The following SIPA1L3 variants were observed in gnomAD, a reference collection of about 807,000 sequenced individuals.
The protein encoded by SIPA1L3 is signal-induced proliferation-associated 1-like protein 3.
In SIPA1L3, 59 loss-of-function variants were observed where a neutral mutation model predicts 150.1. That is an observed-to-expected ratio of 0.39 (90% CI 0.32 to 0.49). The LOEUF is 0.49. Among genes scored for constraint, SIPA1L3 ranks in the 20% least tolerant of loss-of-function variants. The pLI is 0.86. For missense variants in SIPA1L3, 2,211 were observed against 2,489.5 expected (o/e 0.89, Z 2.38); for synonymous variants, 1,070 against 1,077.6 (o/e 0.99, Z 0.14).
chr19:38,172,832 G>C (rs1248555207), intron 15 of SIPA1L3, among the ~76,000 whole-genome samples: 2 of 152,140 alleles, frequency 1.3e-5, no homozygotes, highest in Non-Finnish European at 2.9e-5. Flanking sequence ...ACTGTGGGCT[G>C]GACGTAGTGG....
intron 9 of SIPA1L3, 34 bp from the exon 10 acceptor site, chr19:38,130,464 G>A (rs1289587205): frequency 6.3e-7 from 1 of 1,586,970 alleles, no homozygotes; most frequent in Non-Finnish European, 8.6e-7. Context: ...GACCCAAGCA[G>A]CTTCTGAGGC....
intron 1 of SIPA1L3, among the ~76,000 whole-genome samples, chr19:37,978,399 C>T (rs1011991097): frequency 6.6e-6 from 1 of 152,176 alleles, no homozygotes; most frequent in Non-Finnish European, 1.5e-5. Flanking sequence ...ATAATAGCCA[C>T]CACTTTCCAG....
At chr19:38,189,270 G>A (rs1295215065) in intron 16 of SIPA1L3, among the ~76,000 whole-genome samples, 1 of 151,710 alleles carries the variant, frequency 6.6e-6, no homozygotes, top group African/African-American at 2.4e-5. Context: ...GCCCATAGGA[G>A]TACACAACCA....
chr19:37,975,826 C>T (rs932302504), intron 1 of SIPA1L3, among the ~76,000 whole-genome samples: 3 of 152,026 alleles, frequency 2.0e-5, no homozygotes, highest in Admixed American at 6.6e-5. Context: ...GGGGGTTGGC[C>T]GGGCGCAGTG....
At chr19:38,069,286 C>T (rs1008100864) in intron 2 of SIPA1L3, among the ~76,000 whole-genome samples, 1 of 152,146 alleles carries the variant, frequency 6.6e-6, no homozygotes, top group African/African-American at 2.4e-5. Flanking sequence ...ATCAGTGAAC[C>T]CCTGAAATAA....
At chr19:38,000,905 T>TAAC (rs1967775363) in intron 1 of SIPA1L3, among the ~76,000 whole-genome samples, 1 of 111,710 alleles carries the variant, frequency 9.0e-6, no homozygotes, top group African/African-American at 3.8e-5. Context: ...TATATATATA[T>TAAC]ATATAACATA....
In SIPA1L3 at chr19:38,101,103, T is replaced by C; in HGVS notation, c.1906T>C (p.Ser636Pro). 6.2e-7 allele frequency: 1 copy of C among 1,605,402 alleles called. No homozygotes were observed. The highest frequency in any genetic ancestry group is 8.5e-7 in the Non-Finnish European group (1 of 1,175,956). Residue 636 changes from serine to proline, a missense_variant, in exon 6 of 22, where the codon TCC becomes CCC. This residue lies in a region of SIPA1L3 where 625 missense variants were observed against 804.2 expected (regional missense o/e 0.78). Coordinates refer to ENST00000222345, the MANE Select transcript of SIPA1L3 (RefSeq NM_015073.3). ...CCTCTATTGCAAGGCCGGCCAGAGC[T>C]CCGAGGAGGAGATGTACAACAATGA... ...GILYCKAGQSSEEEMYNNEEA... is the reference protein window; with the variant it reads ...GILYCKAGQSPEEEMYNNEEA...
rs1018400438 is a variant in SIPA1L3 at position 38,152,757 on chromosome 19, G to A, written c.3534-83G>A. 1.8e-5 allele frequency: 26 copies of A among 1,475,236 alleles called. No individual in the cohort carries two copies. In the African/African-American group the frequency reaches 2.1e-4, roughly 12 times the overall value. 91.4% of individuals were successfully genotyped at this position (1,475,236 alleles called of 1,614,324 possible). A position where few individuals can be genotyped will look rare whatever the true frequency, so the allele number is the denominator to read the frequency against. On this transcript the variant is annotated intron_variant, in intron 12 of 21. Transcript: ENST00000222345. ...TCCCGTGTGTCTAAAACCCACTGGC[G>A]AGCAAGGCTCAGGCTCAGGCTCAGG...
At position 38,142,691 on chromosome 19, in the gene SIPA1L3, T is replaced by C. The variant is rs564769549; in HGVS notation, c.3514T>C (p.Tyr1172His). ...STPGSATYVR[Y>H]KPSPERYTAA... Reference sequence around the variant, plus strand: ...CCCCGGTTCGGCCACCTACGTGAGATACAAGCCATCCCCAGAAAGGTCAGC... The same window carrying C: ...CCCCGGTTCGGCCACCTACGTGAGACACAAGCCATCCCCAGAAAGGTCAGC... The change falls in exon 12 of 22, where the codon TAC becomes CAC. Residue 1172 changes from tyrosine to histidine, a missense_variant. Around this residue, in one of 5 missense-constraint regions of SIPA1L3, gnomAD observed 806 missense variants for 870.1 expected, o/e 0.93. Transcript: ENST00000222345. 10 of 1,613,794 alleles carry C rather than the reference T, an allele frequency of 6.2e-6. No homozygotes were observed. In the Admixed American group the frequency reaches 6.7e-5, roughly 11 times the overall value.
At chr19:37,930,145 C>G (rs2046540721) in intron 1 of SIPA1L3, among the ~76,000 whole-genome samples, 1 of 151,998 alleles carries the variant, frequency 6.6e-6, no homozygotes, top group African/African-American at 2.4e-5. Context: ...CTGCCTCAGC[C>G]TCCCGAGTAG....
chr19:38,124,620 A>T (rs1186779109), intron 9 of SIPA1L3, among the ~76,000 whole-genome samples: 1 of 152,154 alleles, frequency 6.6e-6, no homozygotes, highest in East Asian at 1.9e-4. Flanking sequence ...CAGAGGCTGC[A>T]CTCTTGGCAC....
Position 37,973,671 on chromosome 19 carries a change from C to A in SIPA1L3, c.-378-55418C>A, listed in dbSNP as rs191967859. Among the ~76,000 whole-genome samples the A allele has an allele frequency of 7.2e-5, 11 of 152,130 alleles. No individual in the cohort carries two copies. In the East Asian group the frequency reaches 2.1e-3, roughly 29 times the overall value. On this transcript the variant is annotated intron_variant, in intron 1 of 21. Transcript: ENST00000222345. ...AGTAGCGTATGCCTGTCCCCCATCC[C>A]ACACTCACACCAGAGCAAATGCTTA...
Position 38,142,633 on chromosome 19 carries a change from T to A in SIPA1L3, c.3456T>A (p.Pro1152=). Residue 1152 remains proline, a synonymous_variant, in exon 12 of 22, where the codon CCT becomes CCA. Coordinates refer to ENST00000222345, the MANE Select transcript of SIPA1L3 (RefSeq NM_015073.3). ...TVSPAGADRV[P]PYRQPSGSFS... ...CACCAGCAGGGGCCGACAGAGTCCC[T>A]CCCTACCGACAGCCTTCTGGGAGCT... 6.2e-7 allele frequency: 1 copy of A among 1,613,950 alleles called. No homozygotes were observed. The highest frequency in any genetic ancestry group is 8.5e-7 in the Non-Finnish European group (1 of 1,179,952).
At chr19:38,048,342 T>A (rs1845456342) in intron 2 of SIPA1L3, among the ~76,000 whole-genome samples, 1 of 152,124 alleles carries the variant, frequency 6.6e-6, no homozygotes, top group South Asian at 2.1e-4. Flanking sequence ...GTTCTCAGCC[T>A]CCAAAGGCCT....
At chr19:38,088,642 C>G (rs900014339) in intron 3 of SIPA1L3, 79 bp from the exon 4 acceptor site, 1 of 1,546,854 alleles carries the variant, frequency 6.5e-7, no homozygotes, top group Non-Finnish European at 8.8e-7. Context: ...CCTGGTCGCC[C>G]TGTCTGCAGG....
At chr19:37,954,639 A>T (rs2046793201) in intron 1 of SIPA1L3, among the ~76,000 whole-genome samples, 1 of 152,152 alleles carries the variant, frequency 6.6e-6, no homozygotes, top group East Asian at 1.9e-4. Flanking sequence ...CCCTAGTGAT[A>T]AGCACATCCA....
intron 2 of SIPA1L3, among the ~76,000 whole-genome samples, chr19:38,056,728 T>A (rs746774631): frequency 4.6e-5 from 7 of 152,234 alleles, no homozygotes; most frequent in Non-Finnish European, 8.8e-5. Flanking sequence ...TTGGTTTTTT[T>A]TCCCCCTGAT....
intron 1 of SIPA1L3, among the ~76,000 whole-genome samples, chr19:38,009,976 C>A (rs1308043429): frequency 1.3e-5 from 2 of 152,186 alleles, no homozygotes; most frequent in Non-Finnish European, 2.9e-5. Context: ...GATCAAACTT[C>A]TGTTTCCTGT....
rs1362148209 is a variant in SIPA1L3 at position 38,047,696 on chromosome 19, T to A, written c.-311+18540T>A. Among the ~76,000 whole-genome samples, 1 of 152,200 alleles carries A rather than the reference T, an allele frequency of 6.6e-6. No homozygotes were observed. Among genetic ancestry groups the A allele is most frequent in the African/African-American group, 2.4e-5 (1 of 41,452 alleles). On this transcript the variant is annotated intron_variant, in intron 2 of 21. Transcript: ENST00000222345. This position sits in a 1 kb window ranked among gnomAD's most constrained non-coding sequence, Gnocchi z 4.7. ...TGCCACACTGGTATCTTTCCCTTGA[T>A]GCTGACGGAGGGATGTGACACCGCA...
Sources: allele counts gnomAD v4.1 joint callset (sites outside exome capture counted in the v4.1 genomes callset), GRCh38; gene constraint gnomAD v4.1.1; regional missense constraint gnomAD v4.1.1; non-coding constraint Gnocchi (gnomAD v3.1); transcripts MANE v1.5; gene names NCBI Gene and HGNC (gene_info 2026-07-23, HGNC 2026-07-21).